The following ZNF804B variants were observed in gnomAD, a reference collection of about 807,000 sequenced individuals.
ZNF804B encodes zinc finger 804B.
Under a neutral mutation model 101.4 loss-of-function variants are expected in ZNF804B, and 80 were observed. The ratio of observed to expected loss-of-function variants is 0.79; its 90% confidence interval spans 0.66 to 0.95. ZNF804B has a LOEUF of 0.95. Among genes scored for constraint, ZNF804B ranks in the 40% least tolerant of loss-of-function variants. The pLI is 0.00. For missense variants in ZNF804B, 1,673 were observed against 1,561.9 expected (o/e 1.07, Z -1.20); for synonymous variants, 622 against 558.8 (o/e 1.11, Z -1.59).
intron 1 of ZNF804B, among the ~76,000 whole-genome samples, chr7:89,200,447 C>A (rs999830517): frequency 7.9e-5 from 12 of 151,988 alleles, no homozygotes; most frequent in African/African-American, 2.4e-4. Context: ...AAATTTACTA[C>A]AAATACTTAG....
chr7:88,946,608 T>C (rs1323291145), intron 1 of ZNF804B, among the ~76,000 whole-genome samples: 1 of 151,396 alleles, frequency 6.6e-6, no homozygotes, highest in African/African-American at 2.4e-5. Flanking sequence ...AGGATGATGC[T>C]GGCCTCATAA....
intron 1 of ZNF804B, among the ~76,000 whole-genome samples, chr7:88,898,701 A>T (rs1792345666): frequency 6.6e-6 from 1 of 152,042 alleles, no homozygotes; most frequent in Admixed American, 6.6e-5. Context: ...CTTCAAGAGG[A>T]TTCAATTTAC....
intron 1 of ZNF804B, among the ~76,000 whole-genome samples, chr7:88,867,199 G>A (rs1350273442): frequency 6.6e-6 from 1 of 152,132 alleles, no homozygotes; most frequent in Non-Finnish European, 1.5e-5. Flanking sequence ...ATATATGAGA[G>A]AGGCGATTTT....
chr7:88,853,116 C>A (rs1393199748), intron 1 of ZNF804B, among the ~76,000 whole-genome samples: 1 of 152,028 alleles, frequency 6.6e-6, no homozygotes, highest in Non-Finnish European at 1.5e-5. Flanking sequence ...GTGTTTTTAT[C>A]CATATTCTGT....
At position 88,906,293 on chromosome 7, in the gene ZNF804B, C is replaced by T. The variant is rs533342392; in HGVS notation, c.108+146209C>T. Among the ~76,000 whole-genome samples, 10 of 151,986 alleles carry T rather than the reference C, an allele frequency of 6.6e-5. No individual in the cohort carries two copies. In the East Asian group the frequency reaches 1.9e-3, roughly 29 times the overall value. On this transcript the variant is annotated intron_variant, in intron 1 of 3. Coordinates refer to ENST00000333190, the MANE Select transcript of ZNF804B (RefSeq NM_181646.5). The stretch of plus-strand genomic sequence containing the variant: ...TTCTCCACTTTTAGTTATTTCTTAT[C>T]CTGGGATTGGTTTGTTCTTTTCTTC...
chr7:88,794,352 G>T lies in ZNF804B; in HGVS notation c.108+34268G>T, dbSNP rs759884778. 4 of 1,613,692 alleles carry T rather than the reference G, an allele frequency of 2.5e-6. No individual in the cohort carries two copies. In the African/African-American group the frequency reaches 5.3e-5, roughly 22 times the overall value. On this transcript the variant is annotated intron_variant, in intron 1 of 3. Coordinates refer to ENST00000333190, the MANE Select transcript of ZNF804B (RefSeq NM_181646.5). ...CAGGTGCAACTTGGTGTAAGTTATC[G>T]CCTGGTCCTTTAGTGCCTACTTTCA...
intron 2 of ZNF804B, among the ~76,000 whole-genome samples, chr7:89,323,730 C>A (rs1280191388): frequency 6.6e-6 from 1 of 152,054 alleles, no homozygotes; most frequent in Non-Finnish European, 1.5e-5. Context: ...CCGCTTTGCA[C>A]AATACCCTAT....
intron 1 of ZNF804B, among the ~76,000 whole-genome samples, chr7:89,007,430 A>C (rs1241722577): frequency 1.6e-5 from 2 of 128,652 alleles, no homozygotes; most frequent in Non-Finnish European, 3.2e-5. Context: ...CATGTTATCT[A>C]AAGTTATCCA....
Position 89,333,715 on chromosome 7 carries a change from AC to A in ZNF804B, c.736del (p.His246MetfsTer36), listed in dbSNP as rs1299281638. 6.2e-7 allele frequency: 1 copy of A among 1,613,592 alleles called. No homozygotes were observed. Among genetic ancestry groups the A allele is most frequent in the Admixed American group, 1.7e-5 (1 of 59,886 alleles). On this transcript the variant is annotated frameshift_variant, in exon 4 of 4. Transcript: ENST00000333190. LOFTEE classifies it high-confidence loss of function. Reference protein sequence around the residue: ...ASVFSENTEETHDCNKSPIYK... With the variant: ...ASVFSENTEEXHDCNKSPIYK... ...AGTTTTCAGTGAGAACACAGAAGAA[AC>A]CCATGATTGTAACAAGTCACCCATT...
chr7:89,235,140 T>G (rs1477958839), intron 2 of ZNF804B, among the ~76,000 whole-genome samples: 1 of 152,174 alleles, frequency 6.6e-6, no homozygotes, highest in Non-Finnish European at 1.5e-5. Context: ...GAGCATCAGT[T>G]TTCCAGTTTA....
At chr7:88,962,932 C>A (rs1793409151) in intron 1 of ZNF804B, among the ~76,000 whole-genome samples, 1 of 150,422 alleles carries the variant, frequency 6.6e-6, no homozygotes, top group African/African-American at 2.4e-5. Flanking sequence ...CATAACATCA[C>A]ACAGAAAAAT....
intron 1 of ZNF804B, among the ~76,000 whole-genome samples, chr7:88,994,294 A>G (rs950020399): frequency 5.9e-5 from 9 of 151,994 alleles, no homozygotes; most frequent in Non-Finnish European, 8.8e-5. Context: ...TTGAGTGACA[A>G]TGTTTTTATA....
chr7:89,254,252 G>A (rs1419453392), intron 2 of ZNF804B, among the ~76,000 whole-genome samples: 1 of 151,868 alleles, frequency 6.6e-6, no homozygotes, highest in Non-Finnish European at 1.5e-5. Context: ...TAATAATTTA[G>A]TCATGTTACT....
chr7:89,016,454 G>GCA (rs1260905104), intron 1 of ZNF804B, among the ~76,000 whole-genome samples: 12 of 151,348 alleles, frequency 7.9e-5, no homozygotes, highest in Non-Finnish European at 1.8e-4. Context: ...TTTCTTCTAG[G>GCA]GTTTTTATGG....
chr7:89,002,554 TTA>T (rs1314103138), intron 1 of ZNF804B, among the ~76,000 whole-genome samples: 3 of 151,882 alleles, frequency 2.0e-5, no homozygotes, highest in Admixed American at 6.6e-5. Flanking sequence ...ATGACAAAAG[TTA>T]TGTTATGAAA....
intron 1 of ZNF804B, among the ~76,000 whole-genome samples, chr7:89,166,467 A>G (rs1791145083): frequency 6.6e-6 from 1 of 152,194 alleles, no homozygotes; most frequent in South Asian, 2.1e-4. Context: ...TCATAAGGAA[A>G]TACTCTAGTA....
intron 1 of ZNF804B, among the ~76,000 whole-genome samples, chr7:89,047,613 A>G (rs1317327792): frequency 6.6e-6 from 1 of 152,208 alleles, no homozygotes; most frequent in Non-Finnish European, 1.5e-5. Flanking sequence ...ATAAATGTTC[A>G]ATAAGCTATG....
chr7:89,030,151 G>A (rs760782222), intron 1 of ZNF804B, among the ~76,000 whole-genome samples: 7 of 152,094 alleles, frequency 4.6e-5, no homozygotes, highest in Non-Finnish European at 1.0e-4. Context: ...AGGAGCTGAA[G>A]AAAGTCTGGG....
intron 1 of ZNF804B, among the ~76,000 whole-genome samples, chr7:88,966,192 G>T (rs1206891565): frequency 6.6e-6 from 1 of 151,362 alleles, no homozygotes; most frequent in African/African-American, 2.4e-5. Context: ...TTATATGTGT[G>T]TACAGATATT....
Sources: gnomAD v4.1 joint callset for allele counts (sites outside exome capture counted in the v4.1 genomes callset) on GRCh38, gnomAD v4.1.1 for gene constraint, MANE v1.5 for transcripts, NCBI Gene and HGNC (gene_info 2026-07-23, HGNC 2026-07-21) for gene names.